Variants in LINGO2 observed in about 807,000 individuals in gnomAD.
LINGO2 encodes leucine-rich repeat and immunoglobulin-like domain-containing nogo receptor-interacting protein 2.
LINGO2 carries 14 observed loss-of-function variants against 30.6 expected under a neutral mutation model. The ratio of observed to expected loss-of-function variants is 0.46; its 90% CI spans 0.30 to 0.72. The LOEUF (loss-of-function observed/expected upper bound fraction) is 0.72, where lower values mean the gene tolerates loss of function less well. Ranked by LOEUF, LINGO2 falls within the 30% of genes least tolerant of loss-of-function variation. The pLI, the probability that LINGO2 is intolerant of heterozygous loss-of-function variation, is 0.07. For missense variants in LINGO2, 729 were observed against 751.7 expected, an observed-to-expected ratio of 0.97 and a Z score of 0.35; for synonymous variants, 317 against 288.5, an observed-to-expected ratio of 1.10 and a Z score of -1.00.
At chr9:28,182,216 G>T (rs894477858) in intron 4 of LINGO2, among the ~76,000 whole-genome samples, 4 of 152,144 alleles carry the variant, frequency 2.6e-5, no homozygotes, top group African/African-American at 9.6e-5. Flanking sequence ...AATGGGGTAA[G>T]GATCTCCTGT....
At chr9:28,680,134 C>G in the LINGO2 span, among the ~76,000 whole-genome samples, 1 of 151,976 alleles carries the variant, frequency 6.6e-6, no homozygotes, top group Non-Finnish European at 1.5e-5. Flanking sequence ...TCTCCTCAAC[C>G]CTGCCCTGCA....
At chr9:28,131,568 G>A (rs1214875485) in intron 4 of LINGO2, among the ~76,000 whole-genome samples, 2 of 152,118 alleles carry the variant, frequency 1.3e-5, no homozygotes, top group African/African-American at 4.8e-5. Flanking sequence ...TCTAAGGCTG[G>A]AAAAGTAAAT....
At chr9:28,370,938 C>T (rs907777501) in intron 3 of LINGO2, among the ~76,000 whole-genome samples, 1 of 152,152 alleles carries the variant, frequency 6.6e-6, no homozygotes, top group Non-Finnish European at 1.5e-5. Flanking sequence ...TGTTACTGGG[C>T]TTCCCTTTTA....
the LINGO2 span, among the ~76,000 whole-genome samples, chr9:28,771,854 T>C: frequency 6.6e-6 from 1 of 152,168 alleles, no homozygotes; most frequent in African/African-American, 2.4e-5. Flanking sequence ...GATCTTTTTT[T>C]GTAAACATGA....
chr9:28,279,121 A>T (rs1823232177), intron 4 of LINGO2, among the ~76,000 whole-genome samples: 1 of 152,214 alleles, frequency 6.6e-6, no homozygotes, highest in African/African-American at 2.4e-5. Context: ...AAATTGCTAC[A>T]ATCTCATGAT....
chr9:28,827,072 T>A, the LINGO2 span, among the ~76,000 whole-genome samples: 5 of 152,310 alleles, frequency 3.3e-5, no homozygotes, highest in African/African-American at 9.6e-5. Flanking sequence ...AGCCCATTAA[T>A]ACTTTTTAAA....
At chr9:28,673,703 C>CATCATCATCATG (rs951799973), upstream of LINGO2, among the ~76,000 whole-genome samples, 5 of 151,756 alleles carry the variant, frequency 3.3e-5, no homozygotes, top group African/African-American at 9.7e-5. Flanking sequence ...TCATCATCAT[C>CATCATCATCATG]ATAAATATTG....
the LINGO2 span, among the ~76,000 whole-genome samples, chr9:29,150,013 T>A: frequency 6.6e-6 from 1 of 152,216 alleles, no homozygotes; most frequent in Admixed American, 6.5e-5. Context: ...GCAGGCTTGG[T>A]AAAGGGGTTG....
intron 4 of LINGO2, among the ~76,000 whole-genome samples, chr9:28,251,912 A>C (rs985507522): frequency 2.6e-5 from 4 of 152,198 alleles, no homozygotes; most frequent in Non-Finnish European, 5.9e-5. Flanking sequence ...TACTCTCTGG[A>C]GAAGTACATG....
intron 4 of LINGO2, among the ~76,000 whole-genome samples, chr9:28,282,325 T>C (rs1823356205): frequency 6.6e-6 from 1 of 151,762 alleles, no homozygotes; most frequent in Non-Finnish European, 1.5e-5. Flanking sequence ...TAAGTAATGG[T>C]GAGACAATGA....
At chr9:28,016,510 T>A (rs1822845525) in intron 4 of LINGO2, among the ~76,000 whole-genome samples, 1 of 151,634 alleles carries the variant, frequency 6.6e-6, no homozygotes, top group Non-Finnish European at 1.5e-5. Context: ...AAAGACAAAT[T>A]TCCCACAGAA....
In LINGO2 at chr9:28,182,015, A is replaced by G. The variant is rs114784349; in HGVS notation, c.-87+113193T>C. Among the ~76,000 whole-genome samples the G allele has an allele frequency of 5.0e-3, 758 of 151,370 alleles. 8 individuals are homozygous for G. The highest frequency in any genetic ancestry group is 0.018 in the African/African-American group (725 of 41,278). On this transcript the variant is annotated intron_variant, in intron 4 of 5. Coordinates refer to ENST00000379992, the Ensembl canonical transcript of LINGO2. The stretch of plus-strand genomic sequence containing the variant: ...GACCCTGTATAGCCAAGACAACCCT[A>G]AAAAAAAAGAACAAAGCTGGAGGCA...
chr9:28,451,540 T>C (rs1824647851), intron 2 of LINGO2, among the ~76,000 whole-genome samples: 1 of 151,836 alleles, frequency 6.6e-6, no homozygotes, highest in Non-Finnish European at 1.5e-5. Context: ...ATAAACTCTT[T>C]ATCTTGCCAC....
rs918056207 is a variant in LINGO2, at chr9:28,050,701, G to A, written c.-86-38296C>T. Among the ~76,000 whole-genome samples, 2 of 150,912 alleles carry A rather than the reference G, an allele frequency of 1.3e-5. 1 individual carries two copies. The highest frequency in any genetic ancestry group is 2.9e-5 in the Non-Finnish European group (2 of 67,888). Reference sequence around the variant, plus strand: ...CATTGCTTCGTGGTTATGTAGAAGAGCCCAGGCATTCCACTGTAAGTGCTA... The same window carrying A: ...CATTGCTTCGTGGTTATGTAGAAGAACCCAGGCATTCCACTGTAAGTGCTA... On this transcript the variant is annotated intron_variant, in intron 4 of 5. Coordinates refer to ENST00000379992, the Ensembl canonical transcript of LINGO2.
chr9:29,159,981 T>C, the LINGO2 span, among the ~76,000 whole-genome samples: 6,486 of 152,308 alleles, frequency 0.043, 203 homozygotes, highest in Admixed American at 0.08. Flanking sequence ...TCACTTACAA[T>C]TGTTTACAAA....
At chr9:28,376,806 C>A (rs1421537261) in intron 2 of LINGO2, among the ~76,000 whole-genome samples, 1 of 152,100 alleles carries the variant, frequency 6.6e-6, no homozygotes, top group Non-Finnish European at 1.5e-5. Flanking sequence ...GAGAGTTGAA[C>A]ACAGATATGT....
At chr9:28,529,205 T>A (rs548892362) in intron 1 of LINGO2, among the ~76,000 whole-genome samples, 1 of 152,182 alleles carries the variant, frequency 6.6e-6, no homozygotes, top group African/African-American at 2.4e-5. Context: ...GTGAAATAAA[T>A]ATAACATACA....
At chr9:28,190,080 A>G (rs1346337327) in intron 4 of LINGO2, among the ~76,000 whole-genome samples, 1 of 152,170 alleles carries the variant, frequency 6.6e-6, no homozygotes, top group Admixed American at 6.5e-5. Flanking sequence ...CGTTTCACAA[A>G]CATGGATATT....
At chr9:29,119,346 T>C in the LINGO2 span, among the ~76,000 whole-genome samples, 1 of 147,684 alleles carries the variant, frequency 6.8e-6, no homozygotes, top group Non-Finnish European at 1.5e-5. Context: ...ACAGCACACA[T>C]ATGCATGCAC....
Sources: allele counts gnomAD v4.1 joint callset (sites outside exome capture counted in the v4.1 genomes callset), GRCh38; gene constraint gnomAD v4.1.1; transcripts MANE v1.5; gene names NCBI Gene and HGNC (gene_info 2026-07-23, HGNC 2026-07-21).